The following ERBB3 variants were observed in gnomAD, a reference collection of about 807,000 sequenced individuals.
The protein encoded by ERBB3 is erb-b2 receptor tyrosine kinase 3.
In ERBB3, 96 loss-of-function variants were observed where a neutral mutation model predicts 156.7. The observed-to-expected ratio is 0.61, with a 90% confidence interval of 0.52 to 0.73. ERBB3 has a LOEUF of 0.73. Ranked by LOEUF, ERBB3 falls within the 30% of genes least tolerant of loss-of-function variation. The pLI is 0.00. For synonymous variants in ERBB3, 567 were observed against 632.0 expected, an observed-to-expected ratio of 0.90 and a Z score of 1.54; for missense variants, 1,406 against 1,709.4, an observed-to-expected ratio of 0.82 and a Z score of 3.13.
chr12:56,097,576 T>C (rs1868929837), intron 20 of ERBB3, among the ~76,000 whole-genome samples: 1 of 152,160 alleles, frequency 6.6e-6, no homozygotes, highest in African/African-American at 2.4e-5. Flanking sequence ...AGAATCTAAC[T>C]AATGCCTGAT....
chr12:56,088,423 G>GCT, intron 7 of ERBB3, 120 bp from the exon 8 acceptor site: 1 of 895,894 alleles, frequency 1.1e-6, no homozygotes, highest in Non-Finnish European at 1.9e-6. Context: ...GATCTAGGGT[G>GCT]GCAGATGGGG....
chr12:56,083,640 C>T (rs1868385443), intron 1 of ERBB3, 111 bp from the exon 2 acceptor site: 1 of 1,222,022 alleles, frequency 8.2e-7, no homozygotes, highest in South Asian at 1.2e-5. Context: ...GCCATCTGAT[C>T]CTGTCTAATG....
chr12:56,081,673 G>T (rs1451010406), intron 1 of ERBB3, among the ~76,000 whole-genome samples: 1 of 152,138 alleles, frequency 6.6e-6, no homozygotes, highest in Non-Finnish European at 1.5e-5. Context: ...GGGGAGGCAG[G>T]AGGCAGGCAT....
At chr12:56,096,473 CTGAG>C in intron 17 of ERBB3, 26 bp from the exon 18 acceptor site, 1 of 1,613,120 alleles carries the variant, frequency 6.2e-7, no homozygotes, top group Non-Finnish European at 8.5e-7. Flanking sequence ...ATGGCCTTTC[CTGAG>C]TAACTCCTTC....
rs910480823 is a variant in ERBB3 at position 56,098,784 on chromosome 12, C to A, written c.2718C>A (p.Thr906=). 3 of 1,613,980 alleles carry A rather than the reference C, an allele frequency of 1.9e-6. No individual in the cohort carries two copies. Among genetic ancestry groups the A allele is most frequent in the Non-Finnish European group, 2.5e-6 (3 of 1,180,020 alleles). The change falls in exon 23 of 28, where the codon ACC becomes ACA. Residue 906 remains threonine, a synonymous_variant. Transcript: ENST00000267101. The part of the protein sequence containing the change: ...SYGVTVWELM[T]FGAEPYAGLR... ...GTGTGACAGTTTGGGAGTTGATGAC[C>A]TTCGGGGCAGAGCCCTATGCAGGGC...
chr12:56,092,076 G>C (rs1301809013), intron 9 of ERBB3, among the ~76,000 whole-genome samples: 3 of 142,512 alleles, frequency 2.1e-5, no homozygotes, highest in Non-Finnish European at 4.5e-5. Flanking sequence ...AACAGAGTGA[G>C]ACCCTGTCTC....
intron 9 of ERBB3, among the ~76,000 whole-genome samples, chr12:56,091,142 C>A (rs574075766): frequency 6.7e-6 from 1 of 148,902 alleles, no homozygotes; most frequent in African/African-American, 2.5e-5. Context: ...GGCTCTATTG[C>A]CCAGGCTGGA....
intron 11 of ERBB3, 69 bp from the exon 12 acceptor site, chr12:56,093,276 A>C: frequency 6.9e-7 from 1 of 1,448,454 alleles, no homozygotes; most frequent in South Asian, 1.1e-5. Context: ...TTCTTGACTA[A>C]CATGAATCCT....
intron 9 of ERBB3, among the ~76,000 whole-genome samples, chr12:56,092,052 C>T (rs1002589811): frequency 4.5e-4 from 67 of 147,790 alleles, no homozygotes; most frequent in African/African-American, 1.6e-3. Context: ...CCAGCCAGTG[C>T]ACTCACTCTG....
rs1051252739 is a variant in ERBB3, at chr12:56,102,555, T to A, written c.*500T>A. On this transcript the variant is annotated 3_prime_UTR_variant, in exon 28 of 28. Transcript: ENST00000267101. ...AAAGAGGTTAGGAGTAGATATTGAT[T>A]ACTATCATAATTCAGCACTTAACTA... 1 of 239,076 alleles carries A rather than the reference T, an allele frequency of 4.2e-6. No individual in the cohort carries two copies. 14.8% of individuals were successfully genotyped at this position (239,076 alleles called of 1,614,324 possible). A position where few individuals can be genotyped will look rare whatever the true frequency, so the allele number is the denominator to read the frequency against.
chr12:56,100,692 A>G (rs1157154825), intron 26 of ERBB3, among the ~76,000 whole-genome samples: 2 of 149,748 alleles, frequency 1.3e-5, no homozygotes, highest in Non-Finnish European at 3.0e-5. Flanking sequence ...CTGTAATCCT[A>G]GCACTTTGGG....
chr12:56,101,176 C>CG lies in ERBB3; in HGVS notation c.3317_3318insG (p.Glu1107Ter), dbSNP rs751333751. ...GAGGGGCATGTAACAGGCTCTGAGG[C>CG]TGAGCTCCAGGAGAAAGTGTCAATG... On this transcript the variant is annotated frameshift_variant, in exon 27 of 28. Coordinates refer to ENST00000267101, the MANE Select transcript of ERBB3 (RefSeq NM_001982.4). LOFTEE classifies it high-confidence loss of function. 1 of 1,614,148 alleles carries CG rather than the reference C, an allele frequency of 6.2e-7. No individual in the cohort carries two copies. The highest frequency in any genetic ancestry group is 1.1e-5 in the South Asian group (1 of 91,090).
chr12:56,098,951 T>C (rs1480861343), intron 23 of ERBB3, 46 bp downstream of exon 23: 6 of 1,552,312 alleles, frequency 3.9e-6, no homozygotes, highest in Middle Eastern at 2.0e-4. Flanking sequence ...TTTTCTTTTT[T>C]TTTCTTTTTT....
In ERBB3 at chr12:56,099,915, G is replaced by A. The variant is rs1352632084; in HGVS notation, c.3015G>A (p.Leu1005=). The A allele has an allele frequency of 6.2e-7, 1 of 1,614,114 alleles. No individual in the cohort carries two copies. Among genetic ancestry groups the A allele is most frequent in the East Asian group, 2.2e-5 (1 of 44,898 alleles). Residue 1005 remains leucine (L), a synonymous_variant, in exon 25 of 28, where the codon CTG becomes CTA. Coordinates refer to ENST00000267101, the MANE Select transcript of ERBB3 (RefSeq NM_001982.4). ...ACAAGAAGCTAGAGGAAGTAGAGCT[G>A]GAGCCAGAACTAGACCTAGACCTAG... ...LTNKKLEEVE[L]EPELDLDLDL... is the part of the protein sequence containing the mutation.
Position 56,096,751 on chromosome 12 carries a change from G to T in ERBB3, c.2179G>T (p.Val727Leu), listed in dbSNP as rs752289630. ...ACTCCTGCCCCAAACTTCCCAGGGA[G>T]TGTGGATCCCTGAGGGTGAATCAAT... is the stretch of plus-strand genomic sequence containing the variant. ...SGVFGTVHKG[V>L]WIPEGESIKI... is the part of the protein sequence containing the mutation. Residue 727 changes from valine (V) to leucine (L), a missense_variant, in exon 19 of 28, where the codon GTG becomes TTG. This residue lies in a region of ERBB3 where 979 missense variants were observed against 1,219.6 expected (regional missense o/e 0.80). Coordinates refer to ENST00000267101, the MANE Select transcript of ERBB3 (RefSeq NM_001982.4). 6.2e-7 allele frequency: 1 copy of T among 1,613,038 alleles called. No individual in the cohort carries two copies. Among genetic ancestry groups the T allele is most frequent in the Non-Finnish European group, 8.5e-7 (1 of 1,179,028 alleles).
intron 23 of ERBB3, 198 bp downstream of exon 23, chr12:56,099,103 C>T (rs1392187728): frequency 1.7e-5 from 10 of 600,738 alleles, no homozygotes; most frequent in South Asian, 4.1e-5. Context: ...GGATTACAGG[C>T]GCCCGCCACA....
At chr12:56,100,055 A>G in intron 25 of ERBB3, 26 bp downstream of exon 25, 2 of 1,610,750 alleles carry the variant, frequency 1.2e-6, no homozygotes, top group Non-Finnish European at 1.7e-6. Flanking sequence ...ATTACCCAAC[A>G]CTTTGCACCC....
chr12:56,097,030 T>A lies in ERBB3; in HGVS notation c.2275-15T>A, dbSNP rs746900380. 1.1e-5 allele frequency: 17 copies of A among 1,613,416 alleles called. No individual in the cohort carries two copies. In the East Asian group the frequency reaches 3.6e-4, roughly 34 times the overall value. On this transcript the variant is annotated splice_polypyrimidine_tract_variant and intron_variant, in intron 19 of 27. Transcript: ENST00000267101. ...ACCTGTTGGTTTCCTAGATAATACC[T>A]TTTGTGTCTCTTAGCATATGCTGGC...
Position 56,094,202 on chromosome 12 carries a change from C to A in ERBB3, c.1704+13C>A. 1 of 1,604,422 alleles carries A rather than the reference C, an allele frequency of 6.2e-7. No individual in the cohort carries two copies. Among genetic ancestry groups the A allele is most frequent in the East Asian group, 2.2e-5 (1 of 44,858 alleles). On this transcript the variant is annotated intron_variant, in intron 14 of 27. Coordinates refer to ENST00000267101, the MANE Select transcript of ERBB3 (RefSeq NM_001982.4). Reference sequence around the variant, plus strand: ...ATGCAATGGCTCGGTATACTAGTAGCACCAGGATCTCCAAGGGAGACAGAG... The same window carrying A: ...ATGCAATGGCTCGGTATACTAGTAGAACCAGGATCTCCAAGGGAGACAGAG...
Sources: gnomAD v4.1 joint callset for allele counts (sites outside exome capture counted in the v4.1 genomes callset) on GRCh38, gnomAD v4.1.1 for gene constraint, gnomAD v4.1.1 regional missense constraint, MANE v1.5 for transcripts, NCBI Gene and HGNC (gene_info 2026-07-23, HGNC 2026-07-21) for gene names.